FHAD1: variants seen among roughly 807,000 people sequenced by gnomAD.
FHAD1 encodes forkhead-associated domain-containing protein 1.
Under a neutral mutation model 191.3 loss-of-function variants are expected in FHAD1, and 146 were observed. That is an observed-to-expected ratio of 0.76 (90% confidence interval 0.67 to 0.88). The LOEUF (loss-of-function observed/expected upper bound fraction) is 0.88. FHAD1 is among the 40% of genes least tolerant of loss of function. The pLI is 0.00. For missense variants in FHAD1, 1,635 were observed against 1,785.8 expected (o/e 0.92, Z 1.52); for synonymous variants, 616 against 672.3 (o/e 0.92, Z 1.29).
intron 24 of FHAD1, among the ~76,000 whole-genome samples, chr1:15,366,452 G>A (rs991156806): frequency 6.6e-6 from 1 of 152,190 alleles, no homozygotes; most frequent in South Asian, 2.1e-4. Flanking sequence ...AGGGGCGCAG[G>A]GCACATTCTC....
chr1:15,349,509 G>A (rs1690079857), intron 19 of FHAD1, among the ~76,000 whole-genome samples: 1 of 152,220 alleles, frequency 6.6e-6, no homozygotes, highest in Admixed American at 6.5e-5. Flanking sequence ...TTTCAGCCAG[G>A]GTCAGGGGCT....
intron 20 of FHAD1, among the ~76,000 whole-genome samples, chr1:15,354,763 T>C (rs1486459704): frequency 6.6e-6 from 1 of 152,182 alleles, no homozygotes; most frequent in Non-Finnish European, 1.5e-5. Flanking sequence ...CAGCTGGTTG[T>C]ACAATTTACT....
At position 15,345,137 on chromosome 1, in the gene FHAD1, G is replaced by C; in HGVS notation, c.2185G>C (p.Glu729Gln). The change falls in exon 17 of 34, where the codon GAA becomes CAA. Residue 729 changes from glutamate (E) to glutamine (Q), a missense_variant. Glu to Gln is a conservative substitution (Grantham distance 29). Coordinates refer to ENST00000688493, the MANE Select transcript of FHAD1 (RefSeq NM_001391957.1). ...AAACAGAGCGAAAGAGACTTTAGAG[G>C]AAGAACGGAAGAGAATGCAAGAACT... ...ERNRAKETLE[E>Q]ERKRMQELES... is the part of the protein sequence containing the mutation. 1 of 1,551,828 alleles carries C rather than the reference G, an allele frequency of 6.4e-7. No homozygotes were observed.
chr1:15,328,991 G>A (rs755542213), intron 13 of FHAD1: 1 of 173,530 alleles, frequency 5.8e-6, no homozygotes, highest in African/African-American at 2.4e-5. Flanking sequence ...AGGAAACCAC[G>A]CTTTCCGACC....
At chr1:15,249,620 A>C (rs1261165058) in intron 1 of FHAD1, among the ~76,000 whole-genome samples, 1 of 152,128 alleles carries the variant, frequency 6.6e-6, no homozygotes, top group Non-Finnish European at 1.5e-5. Context: ...AACATAAACT[A>C]TCTGGCTTGT....
At chr1:15,313,894 A>G (rs918291039) in intron 8 of FHAD1, among the ~76,000 whole-genome samples, 8 of 151,474 alleles carry the variant, frequency 5.3e-5, no homozygotes, top group African/African-American at 1.7e-4. Flanking sequence ...AACATGGTGA[A>G]AATCTGTCTC....
At chr1:15,238,075 T>C (rs773109175) in intron 1 of FHAD1, among the ~76,000 whole-genome samples, 1 of 151,866 alleles carries the variant, frequency 6.6e-6, no homozygotes, top group South Asian at 2.1e-4. Flanking sequence ...GGTAAAACCC[T>C]GTCTCTACTA....
At chr1:15,382,296 A>G in intron 31 of FHAD1, 103 bp downstream of exon 31, 2 of 1,202,158 alleles carry the variant, frequency 1.7e-6, no homozygotes, top group Non-Finnish European at 2.3e-6. Flanking sequence ...CACAGAACAC[A>G]GGGATGGATG....
chr1:15,292,765 C>A (rs11587064), intron 4 of FHAD1, among the ~76,000 whole-genome samples: 1 of 151,908 alleles, frequency 6.6e-6, no homozygotes, highest in African/African-American at 2.4e-5. Flanking sequence ...AGAAGCCACC[C>A]GGCCAACACC....
rs997036303 is a variant in FHAD1, at chr1:15,276,295, G to T, written c.300+3766G>T. Among the ~76,000 whole-genome samples, 8 of 152,194 alleles carry T rather than the reference G, an allele frequency of 5.3e-5. No individual in the cohort carries two copies. Among genetic ancestry groups the T allele is most frequent in the African/African-American group, 1.7e-4 (7 of 41,446 alleles). On this transcript the variant is annotated intron_variant, in intron 3 of 33. Transcript: ENST00000688493. The surrounding 1 kb of genome is among the most constrained non-coding windows in gnomAD (Gnocchi z 4.7). ...GATAGCAGGAAGGTAAGAGGAGCAC[G>T]CTAGCAGCCACCTGCCTCCACTGTG... is the stretch of plus-strand genomic sequence containing the variant.
rs1675152347 is a variant in FHAD1 at position 15,318,332 on chromosome 1, C to T, written c.1365+404C>T. On this transcript the variant is annotated intron_variant, in intron 10 of 33. Transcript: ENST00000688493. The surrounding 1 kb of genome is among the most constrained non-coding windows in gnomAD (Gnocchi z 4.1). ...TATCCATAACAGTAGCCACTAACCG[C>T]GCATGGCTATTTACATTTAAATTAA... 6.6e-6 allele frequency among the ~76,000 whole-genome samples: 1 copy of T among 152,182 alleles called. No individual in the cohort carries two copies. Among genetic ancestry groups the T allele is most frequent in the Non-Finnish European group, 1.5e-5 (1 of 68,042 alleles).
intron 27 of FHAD1, among the ~76,000 whole-genome samples, chr1:15,374,864 G>GTT (rs1553314216): frequency 1.2e-4 from 9 of 73,068 alleles, no homozygotes; most frequent in East Asian, 4.1e-4. Flanking sequence ...TTTTTTGTTT[G>GTT]TTTTTTTTTT....
chr1:15,297,791 A>G (rs1001585192), intron 5 of FHAD1, among the ~76,000 whole-genome samples: 1 of 152,038 alleles, frequency 6.6e-6, no homozygotes, highest in African/African-American at 2.4e-5. Context: ...GACACCTGGA[A>G]TTAGTTTTTT....
At chr1:15,300,691 A>G (rs1157775004) in intron 5 of FHAD1, among the ~76,000 whole-genome samples, 1 of 152,196 alleles carries the variant, frequency 6.6e-6, no homozygotes, top group African/African-American at 2.4e-5. Context: ...TAAGGTATAC[A>G]CATGACTTAT....
At chr1:15,261,402 T>C (rs1268725068) in intron 2 of FHAD1, among the ~76,000 whole-genome samples, 1 of 152,156 alleles carries the variant, frequency 6.6e-6, no homozygotes, top group South Asian at 2.1e-4. Context: ...TAATCGCTGC[T>C]CTATCATGAG....
intron 3 of FHAD1, among the ~76,000 whole-genome samples, chr1:15,282,411 T>C (rs890615929): frequency 1.3e-5 from 2 of 152,250 alleles, no homozygotes; most frequent in African/African-American, 4.8e-5. Flanking sequence ...CATAGAGCCA[T>C]TGATTCTCAC....
intron 15 of FHAD1, among the ~76,000 whole-genome samples, chr1:15,340,108 GA>G (rs1410765078): frequency 1.3e-5 from 2 of 152,280 alleles, no homozygotes; most frequent in Middle Eastern, 3.4e-3. Flanking sequence ...TTACAGGCGT[GA>G]GCCACTGCAC....
At chr1:15,273,854 C>T (rs1657169951) in intron 3 of FHAD1, among the ~76,000 whole-genome samples, 1 of 152,202 alleles carries the variant, frequency 6.6e-6, no homozygotes, top group Admixed American at 6.5e-5. Flanking sequence ...TTTTGCAAAA[C>T]TGAAACTCTG....
chr1:15,339,837 A>ATT (rs899338612), intron 15 of FHAD1, among the ~76,000 whole-genome samples: 27 of 147,736 alleles, frequency 1.8e-4, no homozygotes, highest in African/African-American at 6.4e-4. Context: ...ATGCCATCAG[A>ATT]TTTTTTTTTT....
Sources: gnomAD v4.1 joint callset for allele counts (sites outside exome capture counted in the v4.1 genomes callset) on GRCh38, gnomAD v4.1.1 for gene constraint, Gnocchi (gnomAD v3.1) non-coding constraint, MANE v1.5 for transcripts, NCBI Gene and HGNC (gene_info 2026-07-23, HGNC 2026-07-21) for gene names.